PHEX: variants seen among roughly 807,000 people sequenced by gnomAD.
The protein encoded by PHEX is phosphate-regulating neutral endopeptidase PHEX.
PHEX carries 16 observed loss-of-function variants against 68.0 expected under a neutral mutation model. The ratio of observed to expected loss-of-function variants is 0.24; its 90% CI spans 0.16 to 0.36. The LOEUF (loss-of-function observed/expected upper bound fraction) is 0.36, where lower values mean the gene tolerates loss of function less well. Among genes scored for constraint, PHEX ranks in the 10% least tolerant of loss-of-function variants. PHEX has a pLI of 1.00. For missense variants in PHEX, 480 were observed against 575.5 expected (o/e 0.83, Z 1.70); for synonymous variants, 208 against 205.1 (o/e 1.01, Z -0.12).
intron 11 of PHEX, among the ~76,000 whole-genome samples, chrX:22,130,321 C>G (rs532280042): frequency 2.7e-5 from 3 of 111,073 alleles, no homozygotes; most frequent in Non-Finnish European, 3.8e-5. Context: ...GGGTGGATCA[C>G]CTGAGCTCGG....
At chrX:22,080,186 C>A (rs1929327979) in intron 5 of PHEX, among the ~76,000 whole-genome samples, 1 of 111,659 alleles carries the variant, frequency 9.0e-6, no homozygotes, top group Non-Finnish European at 1.9e-5. Flanking sequence ...GCCTTGTATA[C>A]TTAATATTCA....
At chrX:22,185,523 T>G (rs73446724) in intron 14 of PHEX, among the ~76,000 whole-genome samples, 5,285 of 111,204 alleles carry the variant, frequency 0.048, 306 homozygotes, top group African/African-American at 0.16. Context: ...TTGAAGGAAT[T>G]CCAATTCAAT....
intron 14 of PHEX, among the ~76,000 whole-genome samples, chrX:22,180,995 T>G (rs1294932534): frequency 8.9e-6 from 1 of 112,152 alleles, no homozygotes; most frequent in African/African-American, 3.2e-5. Flanking sequence ...TCTTTATCCA[T>G]TTGTCTGTTG....
At chrX:22,099,388 C>A in intron 9 of PHEX, 1 of 392,701 alleles carries the variant, frequency 2.5e-6, no homozygotes, top group Non-Finnish European at 4.5e-6. Flanking sequence ...CCATGCTGTT[C>A]TCTTTGAGAT....
chrX:22,188,191 G>C (rs778937190), intron 14 of PHEX, among the ~76,000 whole-genome samples: 2 of 111,776 alleles, frequency 1.8e-5, no homozygotes, highest in Admixed American at 9.5e-5. Context: ...TTGTTAGTCT[G>C]ACATAATTAT....
At chrX:22,237,873 A>C (rs1936037615) in intron 20 of PHEX, among the ~76,000 whole-genome samples, 1 of 112,628 alleles carries the variant, frequency 8.9e-6, no homozygotes, top group South Asian at 3.6e-4. Context: ...GTCATATGGC[A>C]AGTCAGGATT....
At chrX:22,185,667 C>A (rs1934005511) in intron 14 of PHEX, among the ~76,000 whole-genome samples, 1 of 110,612 alleles carries the variant, frequency 9.0e-6, no homozygotes, top group Admixed American at 9.6e-5. Flanking sequence ...AAACCTCCCC[C>A]AAATTTAGAG....
chrX:22,087,659 G>A (rs759705739), intron 5 of PHEX, among the ~76,000 whole-genome samples: 7 of 111,688 alleles, frequency 6.3e-5, no homozygotes, highest in African/African-American at 2.3e-4. Context: ...GGTCAAAACA[G>A]TTTAAAGTCA....
chrX:22,041,265 C>CTCTCTCTCTCTATATATATATATA (rs1468778300), intron 2 of PHEX, among the ~76,000 whole-genome samples: 1 of 72,819 alleles, frequency 1.4e-5, no homozygotes, highest in African/African-American at 6.3e-5. Context: ...CTCTCTCTCT[C>CTCTCTCTCTCTATATATATATATA]TATATATATA....
At chrX:22,136,494 A>G (rs961865305) in intron 12 of PHEX, among the ~76,000 whole-genome samples, 5 of 112,211 alleles carry the variant, frequency 4.5e-5, no homozygotes, top group African/African-American at 1.6e-4. Flanking sequence ...CACTGGGCCA[A>G]TGCTGAGTCA....
At chrX:22,129,534 C>G (rs1226887204) in intron 11 of PHEX, among the ~76,000 whole-genome samples, 1 of 111,404 alleles carries the variant, frequency 9.0e-6, no homozygotes, top group Non-Finnish European at 1.9e-5. Context: ...CCTTCTACAT[C>G]TAATCTTTAG....
intron 18 of PHEX, among the ~76,000 whole-genome samples, chrX:22,224,981 A>C (rs1935416547): frequency 1.8e-5 from 2 of 110,878 alleles, no homozygotes; most frequent in Non-Finnish European, 3.8e-5. Context: ...TTATTATCAT[A>C]CAGCTCTGTA....
rs1281593672 is a variant in PHEX, at chrX:22,165,905, C to T, written c.1405-2407C>T. On this transcript the variant is annotated intron_variant, in intron 12 of 21. Coordinates refer to ENST00000379374, the MANE Select transcript of PHEX (RefSeq NM_000444.6). ...TGTCTGACCCAATTATTCAACTCTA[C>T]AACTGTACTGCAGAAGCAGCCATAG... Among the ~76,000 whole-genome samples the T allele has an allele frequency of 2.7e-5, 3 of 112,148 alleles. No homozygotes were observed. The East Asian group carries it at 8.3e-4, about 31-fold the overall frequency.
chrX:22,169,056 G>C (rs777568024), intron 13 of PHEX, among the ~76,000 whole-genome samples: 1 of 111,586 alleles, frequency 9.0e-6, no homozygotes, highest in African/African-American at 3.2e-5. Context: ...AAAAAAACCT[G>C]TTTTTACTAT....
chrX:22,063,268 T>C (rs918295371), intron 3 of PHEX, among the ~76,000 whole-genome samples: 1 of 112,431 alleles, frequency 8.9e-6, no homozygotes, highest in African/African-American at 3.2e-5. Flanking sequence ...TTTCTCTCCA[T>C]TTACATTTCC....
chrX:22,158,412 G>T (rs940939061), intron 12 of PHEX, among the ~76,000 whole-genome samples: 1 of 111,788 alleles, frequency 8.9e-6, no homozygotes, highest in Admixed American at 9.5e-5. Context: ...GTGATCAGTT[G>T]TTCCATTTTT....
At chrX:22,038,709 G>A (rs1927137229) in intron 2 of PHEX, among the ~76,000 whole-genome samples, 172 bp downstream of exon 2, 1 of 112,112 alleles carries the variant, frequency 8.9e-6, no homozygotes, top group Non-Finnish European at 1.9e-5. Flanking sequence ...AAACAGTGGA[G>A]CTTAGGTTTC....
chrX:22,232,596 CTTTTTTTTTTTTTTTTT>C (rs745474280), intron 20 of PHEX, among the ~76,000 whole-genome samples: 3 of 18,548 alleles, frequency 1.6e-4, no homozygotes, highest in East Asian at 1.8e-3. Flanking sequence ...GCCACTTCTG[CTTTTTTTTTTTTTTTTT>C]TTTTTTTTTT....
chrX:22,225,857 AT>A (rs1311154747), intron 18 of PHEX, among the ~76,000 whole-genome samples: 1 of 111,674 alleles, frequency 9.0e-6, no homozygotes, highest in Admixed American at 9.5e-5. Context: ...ATTGGGAATA[AT>A]TTTTTTTACC....
Sources: gnomAD v4.1 joint callset for allele counts (sites outside exome capture counted in the v4.1 genomes callset) on GRCh38, gnomAD v4.1.1 for gene constraint, MANE v1.5 for transcripts, NCBI Gene and HGNC (gene_info 2026-07-23, HGNC 2026-07-21) for gene names.